LONRF1: variants seen among roughly 807,000 people sequenced by gnomAD.
The protein encoded by LONRF1 is LON peptidase N-terminal domain and RING finger protein 1.
Under a neutral mutation model 85.8 loss-of-function variants are expected in LONRF1, and 37 were observed. The ratio of observed to expected loss-of-function variants is 0.43; its 90% CI spans 0.33 to 0.57. The LOEUF is 0.57. LONRF1 is among the 20% of genes least tolerant of loss of function. The pLI is 0.04. For missense variants in LONRF1, 1,036 were observed against 978.0 expected, an observed-to-expected ratio of 1.06 and a Z score of -0.79; for synonymous variants, 517 against 390.1, an observed-to-expected ratio of 1.33 and a Z score of -3.83.
chr8:12,744,308 G>A (rs555573439), intron 1 of LONRF1, among the ~76,000 whole-genome samples: 1 of 152,084 alleles, frequency 6.6e-6, no homozygotes, highest in African/African-American at 2.4e-5. Flanking sequence ...AGTTGCTGGT[G>A]CCTGAGAACT....
chr8:12,737,273 T>G, intron 4 of LONRF1, 133 bp from the exon 5 acceptor site: 1 of 1,065,940 alleles, frequency 9.4e-7, no homozygotes, highest in Non-Finnish European at 1.4e-6. Context: ...AGCACTAACT[T>G]GATTCCAACA....
At chr8:12,747,856 T>C (rs1216955132) in intron 1 of LONRF1, among the ~76,000 whole-genome samples, 1 of 152,220 alleles carries the variant, frequency 6.6e-6, no homozygotes, top group Non-Finnish European at 1.5e-5. Context: ...ATTCTAATTC[T>C]GTCTGGTCTG....
At chr8:12,748,733 C>T (rs1563157892) in intron 1 of LONRF1, among the ~76,000 whole-genome samples, 1 of 151,144 alleles carries the variant, frequency 6.6e-6, no homozygotes, top group Admixed American at 6.6e-5. Flanking sequence ...TTCCTTTTCT[C>T]ATTTTTCTGA....
intron 2 of LONRF1, 103 bp downstream of exon 2, chr8:12,743,061 G>C: frequency 1.3e-6 from 1 of 747,278 alleles, no homozygotes. Context: ...TATTTTATTT[G>C]GAGTCAACCA....
Position 12,738,024 on chromosome 8 carries a change from G to C in LONRF1, c.1084C>G (p.Gln362Glu), listed in dbSNP as rs768063815. ...FDFHSVMEES[Q>E]SLNEPSPKQS... ...TTTGGGCTAGGTTCATTGAGAGACT[G>C]AGACTCTTCCATCACTGAATGAAAA... The change falls in exon 4 of 12, where the codon CAG becomes GAG. Residue 362 changes from glutamine to glutamate, a missense_variant. By Grantham distance (29) the Gln-to-Glu change is conservative (BLOSUM62 2). Around this residue, in one of 3 missense-constraint regions of LONRF1, gnomAD observed 742 missense variants for 614.4 expected, o/e 1.21. Coordinates refer to ENST00000398246, the MANE Select transcript of LONRF1 (RefSeq NM_152271.5). 3 of 1,610,340 alleles carry C rather than the reference G, an allele frequency of 1.9e-6. No individual in the cohort carries two copies. Among genetic ancestry groups the C allele is most frequent in the Admixed American group, 1.7e-5 (1 of 59,576 alleles).
chr8:12,743,073 C>G (rs998393554), intron 2 of LONRF1, 91 bp downstream of exon 2: 1 of 818,714 alleles, frequency 1.2e-6, no homozygotes, highest in African/African-American at 1.7e-5. Flanking sequence ...AGTCAACCAT[C>G]TACTTTGTTA....
chr8:12,726,999 T>TA (rs1338668783), intron 10 of LONRF1, among the ~76,000 whole-genome samples: 1 of 151,752 alleles, frequency 6.6e-6, no homozygotes, highest in African/African-American at 2.4e-5. Context: ...AATAAACTTT[T>TA]AAAAAAGGTA....
chr8:12,734,412 C>CT (rs557858618), intron 7 of LONRF1, among the ~76,000 whole-genome samples: 6 of 152,110 alleles, frequency 3.9e-5, no homozygotes, highest in Middle Eastern at 3.4e-3. Flanking sequence ...TTGGAAGATA[C>CT]TTTTTTTTAA....
At chr8:12,751,710 T>A (rs1799413812) in intron 1 of LONRF1, among the ~76,000 whole-genome samples, 1 of 151,298 alleles carries the variant, frequency 6.6e-6, no homozygotes, top group Non-Finnish European at 1.5e-5. Flanking sequence ...TTTTAACCTG[T>A]ACAAACTGTA....
Position 12,740,243 on chromosome 8 carries a change from A to T in LONRF1, c.963+631T>A, listed in dbSNP as rs146932969. On this transcript the variant is annotated intron_variant, in intron 3 of 11. Coordinates refer to ENST00000398246, the MANE Select transcript of LONRF1 (RefSeq NM_152271.5). ...AAGAATTTTTCGAAGATATTCTGTG[A>T]ATAAGTCTTGCAAGAGCTGAGTGCT... Among the ~76,000 whole-genome samples the T allele has an allele frequency of 4.6e-3, 699 of 152,324 alleles. 11 individuals are homozygous for T. In the South Asian group the frequency reaches 0.065, roughly 14 times the overall value.
chr8:12,736,883 T>C lies in LONRF1; in HGVS notation c.1354+17A>G. 1 of 1,596,140 alleles carries C rather than the reference T, an allele frequency of 6.3e-7. No homozygotes were observed. The highest frequency in any genetic ancestry group is 8.5e-7 in the Non-Finnish European group (1 of 1,171,436). Reference sequence around the variant, plus strand: ...TAAATAAATTTATTTTATATAAGTGTAGAGCAAAATTTTTACCTCCTTGTT... The same window carrying C: ...TAAATAAATTTATTTTATATAAGTGCAGAGCAAAATTTTTACCTCCTTGTT... On this transcript the variant is annotated intron_variant, in intron 5 of 11. Transcript: ENST00000398246.
At chr8:12,725,598 G>A (rs1798266026) in intron 11 of LONRF1, 129 bp downstream of exon 11, 3 of 810,184 alleles carry the variant, frequency 3.7e-6, no homozygotes, top group Non-Finnish European at 5.8e-6. Flanking sequence ...ATGAGGTGGG[G>A]CTGGTGCGGG....
intron 1 of LONRF1, among the ~76,000 whole-genome samples, chr8:12,752,091 A>G (rs1799430970): frequency 6.6e-6 from 1 of 152,232 alleles, no homozygotes; most frequent in South Asian, 2.1e-4. Context: ...CTAACTGCAG[A>G]CTAGATTTTT....
rs1386886219 is a variant in LONRF1, at chr8:12,742,150, ACCACTG to A, written c.840+1008_840+1013del. Among the ~76,000 whole-genome samples, 34 of 152,282 alleles carry A rather than the reference ACCACTG, an allele frequency of 2.2e-4. No homozygotes were observed. The East Asian group carries it at 4.8e-3, about 22-fold the overall frequency. On this transcript the variant is annotated intron_variant, in intron 2 of 11. Coordinates refer to ENST00000398246, the MANE Select transcript of LONRF1 (RefSeq NM_152271.5). ...AATAGTTTTAAAGCCATGCACACTG[ACCACTG>A]CCCTCTTATTCTGAATACATTTACT... is the stretch of plus-strand genomic sequence containing the variant.
chr8:12,722,242 T>G lies in LONRF1; in HGVS notation c.*854A>C, dbSNP rs1481364223. 2.0e-5 allele frequency: 3 copies of G among 152,616 alleles called. No individual in the cohort carries two copies. The highest frequency in any genetic ancestry group is 4.8e-5 in the African/African-American group (2 of 41,442). 9.5% of individuals were successfully genotyped at this position (152,616 alleles called of 1,614,324 possible). A position where few individuals can be genotyped will look rare whatever the true frequency, so the allele number is the denominator to read the frequency against. ...TTTTTTTTAAAACAAACACATCATG[T>G]CAAACTATAAATTACACAAATGGGC... On this transcript the variant is annotated 3_prime_UTR_variant, in exon 12 of 12. Transcript: ENST00000398246.
At position 12,755,479 on chromosome 8, in the gene LONRF1, G is replaced by C; in HGVS notation, c.-59C>G. The C allele has an allele frequency of 1.1e-6, 1 of 950,898 alleles. No homozygotes were observed. Among genetic ancestry groups the C allele is most frequent in the Non-Finnish European group, 1.3e-6 (1 of 781,656 alleles). 58.9% of individuals were successfully genotyped at this position (950,898 alleles called of 1,614,324 possible). A position where few individuals can be genotyped will look rare whatever the true frequency, so the allele number is the denominator to read the frequency against. On this transcript the variant is annotated 5_prime_UTR_variant, in exon 1 of 12. Coordinates refer to ENST00000398246, the MANE Select transcript of LONRF1 (RefSeq NM_152271.5). ...GCCACGGTCCCGGAGCCTCCCGGGC[G>C]CGCGGCTCCGCACGCGGCCCGCGAG...
Position 12,755,403 on chromosome 8 carries a change from C to A in LONRF1, c.18G>T (p.Val6=). MSSPA[V]ARTSPGGSRE... ...GACTCCCTCCTGGGGAGGTCCTCGC[C>A]ACCGCCGGAGAGGACATGGCCCGCG... is the stretch of plus-strand genomic sequence containing the variant. Residue 6 remains valine (V), a synonymous_variant, in exon 1 of 12, where the codon GTG becomes GTT. Coordinates refer to ENST00000398246, the MANE Select transcript of LONRF1 (RefSeq NM_152271.5). The A allele has an allele frequency of 8.6e-7, 1 of 1,164,904 alleles. No individual in the cohort carries two copies. Among genetic ancestry groups the A allele is most frequent in the Non-Finnish European group, 1.1e-6 (1 of 945,196 alleles). 72.2% of individuals were successfully genotyped at this position (1,164,904 alleles called of 1,614,324 possible).
Position 12,731,654 on chromosome 8 carries a change from G to A in LONRF1, c.1688+82C>T, listed in dbSNP as rs2117249918. The A allele has an allele frequency of 9.2e-6, 11 of 1,195,634 alleles. No individual in the cohort carries two copies. In the South Asian group the frequency reaches 1.1e-4, roughly 12 times the overall value. The allele number at this position is 1,195,634 out of a possible 1,614,324, so 74.1% of individuals were successfully genotyped here. On this transcript the variant is annotated intron_variant, in intron 8 of 11. Coordinates refer to ENST00000398246, the MANE Select transcript of LONRF1 (RefSeq NM_152271.5). ...CTTGACTAGACTGAGATGAACTAAA[G>A]ACAGGATCCAGCTTGCGGTGAGGTT...
At chr8:12,742,498 T>C (rs1343396172) in intron 2 of LONRF1, among the ~76,000 whole-genome samples, 2 of 152,220 alleles carry the variant, frequency 1.3e-5, no homozygotes, top group Non-Finnish European at 2.9e-5. Context: ...AGTTACCATA[T>C]AATACCTCAA....
Sources: allele counts gnomAD v4.1 joint callset (sites outside exome capture counted in the v4.1 genomes callset), GRCh38; gene constraint gnomAD v4.1.1; regional missense constraint gnomAD v4.1.1; transcripts MANE v1.5; gene names NCBI Gene and HGNC (gene_info 2026-07-23, HGNC 2026-07-21).